Variants in HECTD2 observed in about 807,000 individuals in gnomAD.
HECTD2 encodes probable E3 ubiquitin-protein ligase HECTD2.
HECTD2 carries 35 observed loss-of-function variants against 103.2 expected under a neutral mutation model. The observed-to-expected ratio is 0.34, with a 90% confidence interval of 0.26 to 0.45. The LOEUF is 0.45. Among genes scored for constraint, HECTD2 ranks in the 20% least tolerant of loss-of-function variants. The probability of loss-of-function intolerance (pLI) is 1.00; values close to 1 mark genes in which losing one functional copy is unlikely to be tolerated. For missense variants in HECTD2, 596 were observed against 937.4 expected, an observed-to-expected ratio of 0.64 and a Z score of 4.76; for synonymous variants, 281 against 329.9, an observed-to-expected ratio of 0.85 and a Z score of 1.61.
intron 1 of HECTD2, among the ~76,000 whole-genome samples, chr10:91,410,895 T>G (rs1842892508): frequency 6.6e-6 from 1 of 152,142 alleles, no homozygotes; most frequent in Non-Finnish European, 1.5e-5. Flanking sequence ...GTCGGCATGA[T>G]CTGTTGGATG....
At chr10:91,493,093 T>C (rs1233647915) in intron 13 of HECTD2, among the ~76,000 whole-genome samples, 1 of 151,786 alleles carries the variant, frequency 6.6e-6, no homozygotes, top group Non-Finnish European at 1.5e-5. Context: ...AAATTAATTT[T>C]GATCATAATT....
chr10:91,478,398 A>T, intron 6 of HECTD2, 133 bp downstream of exon 6: 1 of 594,468 alleles, frequency 1.7e-6, no homozygotes, highest in South Asian at 2.3e-5. Flanking sequence ...TAGATGAGAA[A>T]AGAATTATAA....
Position 91,410,366 on chromosome 10 carries a change from G to T in HECTD2, c.-73G>T. 9.9e-7 allele frequency: 1 copy of T among 1,008,244 alleles called. No individual in the cohort carries two copies. The highest frequency in any genetic ancestry group is 1.3e-6 in the Non-Finnish European group (1 of 790,352). The allele number at this position is 1,008,244 out of a possible 1,614,324, so 62.5% of individuals were successfully genotyped here. On this transcript the variant is annotated 5_prime_UTR_variant, in exon 1 of 21. Transcript: ENST00000298068. The stretch of plus-strand genomic sequence containing the variant: ...CCCAGAGCCCTCTCGCGGCCGCGGC[G>T]GCAGCAGCAGCGCCAGCCCCAGCAA...
chr10:91,487,288 A>C lies in HECTD2; in HGVS notation c.1095-394A>C, dbSNP rs1042038843. 1 of 218,188 alleles carries C rather than the reference A, an allele frequency of 4.6e-6. No individual in the cohort carries two copies. The highest frequency in any genetic ancestry group is 9.4e-6 in the Non-Finnish European group (1 of 106,542). 13.5% of individuals were successfully genotyped at this position (218,188 alleles called of 1,614,324 possible). A position where few individuals can be genotyped will look rare whatever the true frequency, so the allele number is the denominator to read the frequency against. On this transcript the variant is annotated intron_variant, in intron 10 of 20. Transcript: ENST00000298068. The surrounding 1 kb of genome is among the most constrained non-coding windows in gnomAD (Gnocchi z 4.1). The stretch of plus-strand genomic sequence containing the variant: ...ACTCACACATCAGAAGTCACCATAT[A>C]ATGATGGATTCTTATATTAATTTTG...
At chr10:91,510,354 A>G (rs1847373732) in intron 20 of HECTD2, among the ~76,000 whole-genome samples, 1 of 152,344 alleles carries the variant, frequency 6.6e-6, no homozygotes, top group Non-Finnish European at 1.5e-5. Context: ...CAAATCATCC[A>G]AAGAGTCAGG....
intron 5 of HECTD2, 109 bp from the exon 6 acceptor site, chr10:91,478,092 T>G (rs1052489453): frequency 2.8e-6 from 2 of 713,912 alleles, no homozygotes; most frequent in African/African-American, 3.5e-5. Context: ...CAGTCCTGAG[T>G]CATCAAGTCT....
chr10:91,459,744 CAGT>C (rs2133197423), intron 2 of HECTD2, among the ~76,000 whole-genome samples: 1 of 152,196 alleles, frequency 6.6e-6, no homozygotes, highest in South Asian at 2.1e-4. Flanking sequence ...ACATGTATGA[CAGT>C]AGTCCCCTAG....
chr10:91,481,259 A>C, intron 7 of HECTD2, 120 bp downstream of exon 7: 1 of 465,738 alleles, frequency 2.1e-6, no homozygotes. Flanking sequence ...TCTTTTTAGA[A>C]TTATAGTTAC....
At chr10:91,492,065 G>T (rs1282699200) in intron 12 of HECTD2, among the ~76,000 whole-genome samples, 1 of 152,022 alleles carries the variant, frequency 6.6e-6, no homozygotes. Flanking sequence ...TTTAAAAAAA[G>T]AAATGAATTA....
At chr10:91,428,828 G>A (rs1268370316) in intron 2 of HECTD2, among the ~76,000 whole-genome samples, 2 of 151,994 alleles carry the variant, frequency 1.3e-5, no homozygotes, top group Non-Finnish European at 2.9e-5. Flanking sequence ...TGCAAACAGG[G>A]ACAATTCGAC....
intron 4 of HECTD2, among the ~76,000 whole-genome samples, chr10:91,461,863 T>C (rs1476783503): frequency 6.6e-6 from 1 of 152,178 alleles, no homozygotes; most frequent in African/African-American, 2.4e-5. Context: ...AAATGTTGTT[T>C]TTACTTGCTC....
At chr10:91,491,635 GT>G (rs1295611716) in intron 12 of HECTD2, among the ~76,000 whole-genome samples, 1 of 151,994 alleles carries the variant, frequency 6.6e-6, no homozygotes, top group Non-Finnish European at 1.5e-5. Context: ...TTTGTTCCTG[GT>G]TATGTGTGTA....
chr10:91,432,171 G>A (rs1393317160), intron 2 of HECTD2, among the ~76,000 whole-genome samples: 2 of 151,890 alleles, frequency 1.3e-5, no homozygotes, highest in African/African-American at 4.8e-5. Flanking sequence ...TTGATGTTTT[G>A]GGAAGCCTCT....
At chr10:91,460,275 T>C (rs1160516348) in intron 2 of HECTD2, 152 bp from the exon 3 acceptor site, 4 of 642,540 alleles carry the variant, frequency 6.2e-6, no homozygotes, top group Non-Finnish European at 5.1e-6. Flanking sequence ...CCAGTAAATG[T>C]CCTTCACTAT....
intron 2 of HECTD2, among the ~76,000 whole-genome samples, chr10:91,427,638 A>T (rs967056971): frequency 1.3e-5 from 2 of 152,140 alleles, no homozygotes; most frequent in East Asian, 3.8e-4. Flanking sequence ...TGGCAGCATA[A>T]ATGTCTTCTT....
intron 2 of HECTD2, among the ~76,000 whole-genome samples, chr10:91,438,724 T>A (rs749924519): frequency 9.2e-5 from 14 of 152,172 alleles, no homozygotes; most frequent in Non-Finnish European, 2.1e-4. Flanking sequence ...TTTCTCCACA[T>A]CCTCTCCAGC....
At chr10:91,456,302 G>A (rs1339428263) in intron 2 of HECTD2, among the ~76,000 whole-genome samples, 8 of 152,144 alleles carry the variant, frequency 5.3e-5, no homozygotes, top group Admixed American at 5.2e-4. Context: ...TCCCTTGTAA[G>A]TTGGATTCCT....
At chr10:91,467,390 T>A (rs1269581887) in intron 5 of HECTD2, among the ~76,000 whole-genome samples, 2 of 152,144 alleles carry the variant, frequency 1.3e-5, no homozygotes, top group African/African-American at 4.8e-5. Context: ...CTGGAGACTT[T>A]AGCCTTGAGA....
chr10:91,502,368 G>A (rs144846347), intron 20 of HECTD2, among the ~76,000 whole-genome samples: 47 of 152,238 alleles, frequency 3.1e-4, no homozygotes, highest in Non-Finnish European at 5.6e-4. Context: ...GTTTAATGTT[G>A]ACTTCCTCTG....
Sources: gnomAD v4.1 joint callset for allele counts (sites outside exome capture counted in the v4.1 genomes callset) on GRCh38, gnomAD v4.1.1 for gene constraint, Gnocchi (gnomAD v3.1) non-coding constraint, MANE v1.5 for transcripts, NCBI Gene and HGNC (gene_info 2026-07-23, HGNC 2026-07-21) for gene names.